Variants in CNOT6L observed in about 807,000 individuals in gnomAD.
CNOT6L encodes CCR4-NOT transcription complex subunit 6-like.
Under a neutral mutation model 64.0 loss-of-function variants are expected in CNOT6L, and 7 were observed. The observed-to-expected ratio is 0.11, with a 90% CI of 0.06 to 0.21. The LOEUF is 0.21. CNOT6L is among the 10% of genes least tolerant of loss of function. The pLI is 1.00. For synonymous variants in CNOT6L, 193 were observed against 243.4 expected, an observed-to-expected ratio of 0.79 and a Z score of 1.93; for missense variants, 245 against 669.0, an observed-to-expected ratio of 0.37 and a Z score of 6.99.
At chr4:77,737,204 C>T (rs1723051363) in intron 8 of CNOT6L, among the ~76,000 whole-genome samples, 1 of 152,058 alleles carries the variant, frequency 6.6e-6, no homozygotes, top group South Asian at 2.1e-4. Flanking sequence ...TAACTCTGAC[C>T]CTTTCTGGAT....
rs566961171 is a variant in CNOT6L at position 77,716,100 on chromosome 4, C to T, written c.*4331G>A. 2 of 149,538 alleles carry T rather than the reference C, an allele frequency of 1.3e-5. No homozygotes were observed. Among genetic ancestry groups the T allele is most frequent in the African/African-American group, 4.9e-5 (2 of 40,754 alleles). The allele number at this position is 149,538 out of a possible 1,614,324, so 9.3% of individuals were successfully genotyped here. On this transcript the variant is annotated 3_prime_UTR_variant, in exon 12 of 12. Transcript: ENST00000504123. ...GGGAAAGGCGTAAATGAATCTACTACACATTAGAAAAGTGACCTTTTTTAA... is the reference window on the plus strand; with the variant it reads ...GGGAAAGGCGTAAATGAATCTACTATACATTAGAAAAGTGACCTTTTTTAA...
intron 1 of CNOT6L, among the ~76,000 whole-genome samples, chr4:77,809,486 T>C (rs540391670): frequency 6.6e-6 from 1 of 152,320 alleles, no homozygotes; most frequent in South Asian, 2.1e-4. Flanking sequence ...TACCATTCTG[T>C]ATATAACTCA....
chr4:77,747,815 T>C (rs1724377932), intron 6 of CNOT6L, among the ~76,000 whole-genome samples: 1 of 152,206 alleles, frequency 6.6e-6, no homozygotes, highest in African/African-American at 2.4e-5. Flanking sequence ...GCTGGTATTA[T>C]ACTTTGTTGC....
intron 1 of CNOT6L, among the ~76,000 whole-genome samples, chr4:77,782,647 T>C (rs915704150): frequency 1.3e-4 from 20 of 149,210 alleles, no homozygotes; most frequent in Admixed American, 1.3e-3. Flanking sequence ...TAGCCTTTTT[T>C]TTTTTTTTTT....
rs939745049 is a variant in CNOT6L at position 77,716,504 on chromosome 4, A to AT, written c.*3926dup. 2.0e-5 allele frequency: 3 copies of AT among 152,104 alleles called. No individual in the cohort carries two copies. The highest frequency in any genetic ancestry group is 1.5e-5 in the Non-Finnish European group (1 of 67,990). The allele number at this position is 152,104 out of a possible 1,614,324, so 9.4% of individuals were successfully genotyped here. A position where few individuals can be genotyped will look rare whatever the true frequency, so the allele number is the denominator to read the frequency against. On this transcript the variant is annotated 3_prime_UTR_variant, in exon 12 of 12. Coordinates refer to ENST00000504123, the MANE Select transcript of CNOT6L (RefSeq NM_144571.3). ...ACTAAAAGTATAGATGGCATTAGTG[A>AT]TTTTTAGAAACGCTTGGAAATGCAA...
intron 8 of CNOT6L, among the ~76,000 whole-genome samples, chr4:77,733,406 T>C (rs569137031): frequency 2.0e-4 from 31 of 152,072 alleles, no homozygotes; most frequent in Non-Finnish European, 3.5e-4. Context: ...ACAAGTTAAC[T>C]AAGCAGTACT....
intron 1 of CNOT6L, among the ~76,000 whole-genome samples, chr4:77,813,709 C>G (rs772883252): frequency 1.3e-5 from 2 of 152,146 alleles, no homozygotes; most frequent in Non-Finnish European, 2.9e-5. Flanking sequence ...GATCAAATCA[C>G]ACCTGCTAGA....
intron 1 of CNOT6L, among the ~76,000 whole-genome samples, chr4:77,794,293 G>C (rs978475133): frequency 2.0e-5 from 3 of 151,104 alleles, no homozygotes; most frequent in Non-Finnish European, 4.4e-5. Flanking sequence ...CCATAAAGTT[G>C]AGGCAAACAT....
chr4:77,789,194 G>A (rs1268096109), intron 1 of CNOT6L, among the ~76,000 whole-genome samples: 1 of 152,002 alleles, frequency 6.6e-6, no homozygotes, highest in Non-Finnish European at 1.5e-5. Context: ...TAATCATACA[G>A]CTCTTAGTCA....
At chr4:77,793,902 G>A (rs1454315216) in intron 1 of CNOT6L, among the ~76,000 whole-genome samples, 2 of 151,956 alleles carry the variant, frequency 1.3e-5, no homozygotes, top group African/African-American at 4.8e-5. Flanking sequence ...TGTAATCCCA[G>A]CACTATGGGA....
intron 1 of CNOT6L, chr4:77,818,942 TC>T: frequency 1.6e-6 from 1 of 629,418 alleles, no homozygotes; most frequent in Non-Finnish European, 2.9e-6. Flanking sequence ...CACTCAGCCC[TC>T]CCCGGCCGGC....
chr4:77,813,484 C>T (rs551193041), intron 1 of CNOT6L, among the ~76,000 whole-genome samples: 26 of 152,164 alleles, frequency 1.7e-4, no homozygotes, highest in African/African-American at 6.3e-4. Context: ...GAAAAGACAA[C>T]TCACAAAATG....
intron 1 of CNOT6L, among the ~76,000 whole-genome samples, chr4:77,790,342 G>A (rs979409196): frequency 1.3e-5 from 2 of 152,132 alleles, no homozygotes; most frequent in African/African-American, 4.8e-5. Flanking sequence ...TCCAAGTTTG[G>A]ACAATTATGA....
intron 1 of CNOT6L, among the ~76,000 whole-genome samples, chr4:77,817,595 T>G (rs1226241239): frequency 6.6e-6 from 1 of 152,228 alleles, no homozygotes; most frequent in Non-Finnish European, 1.5e-5. Flanking sequence ...ATATGTTACC[T>G]AAGGTCAAAC....
intron 5 of CNOT6L, among the ~76,000 whole-genome samples, chr4:77,753,865 G>C (rs1051629238): frequency 6.4e-5 from 8 of 124,140 alleles, no homozygotes; most frequent in Non-Finnish European, 1.0e-4. Flanking sequence ...TCTTAATAAA[G>C]AAAAGCATCT....
chr4:77,814,837 G>A (rs1432634100), intron 1 of CNOT6L, among the ~76,000 whole-genome samples: 2 of 152,188 alleles, frequency 1.3e-5, no homozygotes, highest in Admixed American at 1.3e-4. Context: ...AGAATAAATT[G>A]TGATTCAATT....
chr4:77,725,361 T>TG (rs1380360089), intron 11 of CNOT6L, among the ~76,000 whole-genome samples: 1 of 152,180 alleles, frequency 6.6e-6, no homozygotes, highest in Non-Finnish European at 1.5e-5. Flanking sequence ...TTCTAACACT[T>TG]GGATTTTTCC....
intron 4 of CNOT6L, among the ~76,000 whole-genome samples, chr4:77,760,798 G>C (rs543143486): frequency 2.9e-5 from 4 of 137,128 alleles, no homozygotes; most frequent in Admixed American, 2.4e-4. Context: ...CCAGGTTCAC[G>C]CCATTCTCCT....
chr4:77,734,777 A>G (rs1722775993), intron 8 of CNOT6L, among the ~76,000 whole-genome samples: 2 of 152,044 alleles, frequency 1.3e-5, no homozygotes, highest in Admixed American at 1.3e-4. Flanking sequence ...ATATAATTCT[A>G]TTTTTCTATT....
Sources: allele counts gnomAD v4.1 joint callset (sites outside exome capture counted in the v4.1 genomes callset), GRCh38; gene constraint gnomAD v4.1.1; transcripts MANE v1.5; gene names NCBI Gene and HGNC (gene_info 2026-07-23, HGNC 2026-07-21).